The following ACSS3 variants were observed in gnomAD, a reference collection of about 807,000 sequenced individuals.
The protein encoded by ACSS3 is acyl-CoA synthetase short-chain family member 3, mitochondrial.
A neutral mutation model predicts 84.2 loss-of-function variants in ACSS3; 64 were observed. The observed-to-expected ratio is 0.76, with a 90% CI of 0.62 to 0.94. The LOEUF is 0.94. Among genes scored for constraint, ACSS3 ranks in the 40% least tolerant of loss-of-function variants. The pLI is 0.00. For synonymous variants in ACSS3, 317 were observed against 310.1 expected, an observed-to-expected ratio of 1.02 and a Z score of -0.23; for missense variants, 815 against 867.6, an observed-to-expected ratio of 0.94 and a Z score of 0.76.
intron 2 of ACSS3, among the ~76,000 whole-genome samples, chr12:81,128,841 G>A (rs1885291191): frequency 6.6e-6 from 1 of 152,082 alleles, no homozygotes; most frequent in Non-Finnish European, 1.5e-5. Context: ...CCCTGAAATA[G>A]CAGTATCAAA....
At chr12:81,132,292 G>A (rs746653279) in intron 2 of ACSS3, among the ~76,000 whole-genome samples, 17 of 152,026 alleles carry the variant, frequency 1.1e-4, no homozygotes, top group Non-Finnish European at 2.2e-4. Context: ...ATTAATTGTT[G>A]CCTCAATTTC....
chr12:81,203,975 A>G (rs1488818033), intron 9 of ACSS3, among the ~76,000 whole-genome samples: 1 of 152,148 alleles, frequency 6.6e-6, no homozygotes, highest in Non-Finnish European at 1.5e-5. Flanking sequence ...AAATATGGTA[A>G]TCCATGTGCC....
At chr12:81,165,167 A>T (rs1440268415) in intron 7 of ACSS3, among the ~76,000 whole-genome samples, 1 of 151,962 alleles carries the variant, frequency 6.6e-6, no homozygotes, top group Non-Finnish European at 1.5e-5. Context: ...TTTTCCCTTT[A>T]TGTATGTCTA....
At chr12:81,186,796 T>C (rs1814853741) in intron 8 of ACSS3, among the ~76,000 whole-genome samples, 1 of 151,828 alleles carries the variant, frequency 6.6e-6, no homozygotes, top group Non-Finnish European at 1.5e-5. Flanking sequence ...GAAAACAGTA[T>C]GGAGGTTTCT....
intron 1 of ACSS3, chr12:81,104,852 A>T (rs1359412509): frequency 6.6e-6 from 1 of 152,090 alleles, no homozygotes; most frequent in African/African-American, 2.4e-5. Context: ...TTTAAATCAG[A>T]TTATTATTTT....
chr12:81,183,534 A>G (rs1338327984), intron 8 of ACSS3, among the ~76,000 whole-genome samples: 3 of 152,190 alleles, frequency 2.0e-5, no homozygotes, highest in East Asian at 3.9e-4. Context: ...GAATGGATTA[A>G]ACAAGATTCA....
intron 1 of ACSS3, among the ~76,000 whole-genome samples, chr12:81,083,358 CT>C (rs111641450): frequency 2.3e-3 from 328 of 140,198 alleles, no homozygotes; most frequent in African/African-American, 5.4e-3. Context: ...AGCTTTTGGT[CT>C]TTTTTTTTTT....
At chr12:81,154,953 C>A (rs1283285048) in intron 7 of ACSS3, among the ~76,000 whole-genome samples, 1 of 152,088 alleles carries the variant, frequency 6.6e-6, no homozygotes, top group Non-Finnish European at 1.5e-5. Flanking sequence ...GTTATAATTT[C>A]TTGAAAGTTT....
chr12:81,248,795 A>G (rs1319530465), intron 13 of ACSS3, among the ~76,000 whole-genome samples: 1 of 152,044 alleles, frequency 6.6e-6, no homozygotes, highest in Admixed American at 6.6e-5. Context: ...CACTCTATGC[A>G]TGTAACAAAA....
At chr12:81,109,123 G>T (rs1165286385) in intron 1 of ACSS3, among the ~76,000 whole-genome samples, 27 of 151,120 alleles carry the variant, frequency 1.8e-4, no homozygotes, top group Admixed American at 1.7e-3. Flanking sequence ...GAGCAGAATA[G>T]AATTTTTCGG....
At chr12:81,180,515 C>A (rs187328006) in intron 8 of ACSS3, among the ~76,000 whole-genome samples, 1 of 152,170 alleles carries the variant, frequency 6.6e-6, no homozygotes, top group Admixed American at 6.5e-5. Context: ...ATCTATCTGT[C>A]TGTCTATATT....
rs368783577 is a variant in ACSS3, at chr12:81,134,365, G to T, written c.457-451G>T. 1.1e-4 allele frequency among the ~76,000 whole-genome samples: 17 copies of T among 152,056 alleles called. No individual in the cohort carries two copies. The East Asian group carries it at 1.9e-3, about 17-fold the overall frequency. On this transcript the variant is annotated intron_variant, in intron 2 of 15. Coordinates refer to ENST00000548058, the MANE Select transcript of ACSS3 (RefSeq NM_024560.4). ...ATGTTTTCTTTATGAATATATACTT[G>T]CTTCCTTTAACAGTTACCCAACATC...
intron 4 of ACSS3, among the ~76,000 whole-genome samples, chr12:81,140,393 AT>A (rs71098124): frequency 0.5 from 75,030 of 150,682 alleles, 18,822 homozygotes; most frequent in East Asian, 0.67. Context: ...AGCAGATTAA[AT>A]TTTTTTTTTT....
At chr12:81,153,148 C>T (rs1434867284) in intron 7 of ACSS3, among the ~76,000 whole-genome samples, 3 of 152,234 alleles carry the variant, frequency 2.0e-5, no homozygotes, top group South Asian at 4.1e-4. Flanking sequence ...TGGCTTATGC[C>T]TATAATCCCA....
chr12:81,151,151 C>A (rs1415578582), intron 5 of ACSS3, among the ~76,000 whole-genome samples: 2 of 151,936 alleles, frequency 1.3e-5, no homozygotes, highest in African/African-American at 4.8e-5. Context: ...GAATATGGTC[C>A]CAGTGTTGGG....
At chr12:81,210,531 A>C (rs1163536102) in intron 9 of ACSS3, among the ~76,000 whole-genome samples, 1 of 118,524 alleles carries the variant, frequency 8.4e-6, no homozygotes, top group East Asian at 2.0e-4. Flanking sequence ...CTAAATAAGA[A>C]GGCTATGAAC....
intron 13 of ACSS3, among the ~76,000 whole-genome samples, chr12:81,252,626 A>T (rs2034189461): frequency 6.6e-6 from 1 of 152,044 alleles, no homozygotes; most frequent in African/African-American, 2.4e-5. Flanking sequence ...TATTAACCCT[A>T]AGCGTCTGTA....
chr12:81,198,690 A>G (rs962386546), intron 8 of ACSS3, among the ~76,000 whole-genome samples: 1 of 151,632 alleles, frequency 6.6e-6, no homozygotes, highest in Non-Finnish European at 1.5e-5. Flanking sequence ...ATTCTGCGAT[A>G]CAGTGCTTTC....
intron 5 of ACSS3, 170 bp downstream of exon 5, chr12:81,143,417 C>T: frequency 3.9e-6 from 2 of 508,792 alleles, no homozygotes; most frequent in African/African-American, 3.9e-5. Flanking sequence ...GTGGCGTGAT[C>T]TCACCTGACA....
Sources: allele counts gnomAD v4.1 joint callset (sites outside exome capture counted in the v4.1 genomes callset), GRCh38; gene constraint gnomAD v4.1.1; transcripts MANE v1.5; gene names NCBI Gene and HGNC (gene_info 2026-07-23, HGNC 2026-07-21).